The following ABCC5 variants were observed in gnomAD, a reference collection of about 807,000 sequenced individuals.
ABCC5 encodes the protein ATP binding cassette subfamily C member 5.
In ABCC5, 61 loss-of-function variants were observed where a neutral mutation model predicts 160.9. The ratio of observed to expected loss-of-function variants is 0.38; its 90% CI spans 0.31 to 0.47. The LOEUF (loss-of-function observed/expected upper bound fraction) is 0.47, where lower values mean the gene tolerates loss of function less well. ABCC5 is among the 20% of genes least tolerant of loss of function. ABCC5 has a pLI of 0.99. For missense variants in ABCC5, 1,308 were observed against 1,813.3 expected (o/e 0.72, Z 5.06); for synonymous variants, 666 against 700.6 (o/e 0.95, Z 0.78).
chr3:183,970,345 A>G (rs900035040), intron 11 of ABCC5, among the ~76,000 whole-genome samples: 2 of 151,920 alleles, frequency 1.3e-5, no homozygotes, highest in Non-Finnish European at 2.9e-5. Context: ...TCTTTGCCCA[A>G]ATACTACTTT....
At chr3:183,928,991 C>T (rs1477934317) in intron 26 of ABCC5, among the ~76,000 whole-genome samples, 166 bp from the exon 27 acceptor site, 1 of 152,172 alleles carries the variant, frequency 6.6e-6, no homozygotes. Context: ...GCTCTGACAG[C>T]ACACTGGGCC....
intron 8 of ABCC5, among the ~76,000 whole-genome samples, chr3:183,980,732 T>TTTA (rs1718650149): frequency 6.8e-6 from 1 of 147,982 alleles, no homozygotes; most frequent in Non-Finnish European, 1.5e-5. Flanking sequence ...TTTTTTTTTT[T>TTTA]GAGACAGTCT....
chr3:183,956,647 C>T (rs1307078633), intron 17 of ABCC5, among the ~76,000 whole-genome samples: 1 of 138,752 alleles, frequency 7.2e-6, no homozygotes, highest in African/African-American at 2.7e-5. Flanking sequence ...TAAATCACAT[C>T]GGTTACATGC....
At position 183,987,607 on chromosome 3, in the gene ABCC5, A is replaced by G; in HGVS notation, c.591+163T>C. The G allele has an allele frequency of 1.1e-6, 1 of 912,006 alleles. No homozygotes were observed. The highest frequency in any genetic ancestry group is 1.7e-6 in the Non-Finnish European group (1 of 580,688). 56.5% of individuals were successfully genotyped at this position (912,006 alleles called of 1,614,324 possible). A position where few individuals can be genotyped will look rare whatever the true frequency, so the allele number is the denominator to read the frequency against. On this transcript the variant is annotated intron_variant, in intron 5 of 29. Coordinates refer to ENST00000334444, the MANE Select transcript of ABCC5 (RefSeq NM_005688.4). This position sits in a 1 kb window ranked among gnomAD's most constrained non-coding sequence, Gnocchi z 4.2. ...GGCAACACTGCCCTTTCATCCTTCCAGCTGTTGCCAAAATCCATCGACCCC... is the reference window on the plus strand; with the variant it reads ...GGCAACACTGCCCTTTCATCCTTCCGGCTGTTGCCAAAATCCATCGACCCC...
intron 2 of ABCC5, among the ~76,000 whole-genome samples, chr3:184,002,146 C>A (rs1263656601): frequency 1.3e-5 from 2 of 151,954 alleles, no homozygotes; most frequent in African/African-American, 4.8e-5. Flanking sequence ...GCTTGTAATC[C>A]CAGCATTTTG....
In ABCC5 at chr3:183,971,185, C is replaced by T. The variant is rs148876376; in HGVS notation, c.1761+378G>A. On this transcript the variant is annotated intron_variant, in intron 11 of 29. Transcript: ENST00000334444. Reference sequence around the variant, plus strand: ...TGTTGTCACAGTAGCACTGAGAATACCTATCATGTGCCAGGTATGATGCAC... The same window carrying T: ...TGTTGTCACAGTAGCACTGAGAATATCTATCATGTGCCAGGTATGATGCAC... 8.8e-4 allele frequency among the ~76,000 whole-genome samples: 134 copies of T among 152,278 alleles called. 1 individual carries two copies. Among genetic ancestry groups the T allele is most frequent in the Middle Eastern group, 6.8e-3 (2 of 292 alleles).
intron 25 of ABCC5, among the ~76,000 whole-genome samples, chr3:183,940,425 A>G (rs535332817): frequency 1.4e-4 from 19 of 136,024 alleles, no homozygotes; most frequent in African/African-American, 5.4e-4. Context: ...GCACCACTGC[A>G]CTCTAGCCTG....
At chr3:183,934,591 T>C (rs1351665183) in intron 26 of ABCC5, among the ~76,000 whole-genome samples, 2 of 152,210 alleles carry the variant, frequency 1.3e-5, no homozygotes, top group Non-Finnish European at 2.9e-5. Flanking sequence ...TGGAGACAAA[T>C]GGTTCCAATT....
At chr3:183,943,841 A>G (rs959026730) in intron 24 of ABCC5, among the ~76,000 whole-genome samples, 23 of 152,150 alleles carry the variant, frequency 1.5e-4, no homozygotes, top group African/African-American at 5.6e-4. Context: ...CATTAACTCA[A>G]ACACTGCACA....
intron 25 of ABCC5, among the ~76,000 whole-genome samples, chr3:183,939,688 A>G (rs1364271108): frequency 1.3e-5 from 2 of 152,214 alleles, no homozygotes; most frequent in Non-Finnish European, 2.9e-5. Context: ...GTGTCAAAGG[A>G]TATAAACATT....
At position 183,958,462 on chromosome 3, in the gene ABCC5, GAACT is replaced by G. The variant is rs1716428804; in HGVS notation, c.2482+1267_2482+1270del. 2.0e-5 allele frequency among the ~76,000 whole-genome samples: 3 copies of G among 152,304 alleles called. No individual in the cohort carries two copies. The South Asian group carries it at 6.2e-4, about 32-fold the overall frequency. On this transcript the variant is annotated intron_variant, in intron 17 of 29. Transcript: ENST00000334444. ...TCTGATTTTTTACTGCCCGTGGTAA[GAACT>G]AACAAATGTCTCAGCCTTCTGTGCT...
intron 2 of ABCC5, among the ~76,000 whole-genome samples, chr3:184,004,171 G>C (rs1383537185): frequency 6.7e-6 from 1 of 150,046 alleles, no homozygotes; most frequent in Non-Finnish European, 1.5e-5. Context: ...TTGGTCTTTT[G>C]CATTTGACAA....
chr3:183,952,144 CTTTTTTTT>C, intron 18 of ABCC5, 141 bp from the exon 19 acceptor site: 10 of 373,040 alleles, frequency 2.7e-5, no homozygotes, highest in Non-Finnish European at 4.1e-5. Context: ...TTGTCCACCT[CTTTTTTTT>C]TTTTTTTTTT....
At chr3:183,993,203 G>A (rs191676425) in intron 2 of ABCC5, among the ~76,000 whole-genome samples, 9 of 152,050 alleles carry the variant, frequency 5.9e-5, no homozygotes, top group Non-Finnish European at 1.0e-4. Context: ...GGTACTGCCG[G>A]GCTGGGCGCA....
Position 183,987,404 on chromosome 3 carries a change from C to T in ABCC5, c.591+366G>A, listed in dbSNP as rs1162078542. 5.9e-6 allele frequency: 3 copies of T among 504,804 alleles called. No individual in the cohort carries two copies. The highest frequency in any genetic ancestry group is 7.0e-6 in the Non-Finnish European group (2 of 284,398). 31.3% of individuals were successfully genotyped at this position (504,804 alleles called of 1,614,324 possible). ...GCACTTGGTATGTTCCCGGTGCTGG[C>T]TCACCAGCCCGGGCCACACAACGTG... On this transcript the variant is annotated intron_variant, in intron 5 of 29. Transcript: ENST00000334444. This position sits in a 1 kb window ranked among gnomAD's most constrained non-coding sequence, Gnocchi z 4.2.
At chr3:183,973,572 A>C (rs913627014) in intron 10 of ABCC5, among the ~76,000 whole-genome samples, 2 of 152,000 alleles carry the variant, frequency 1.3e-5, no homozygotes, top group Non-Finnish European at 2.9e-5. Context: ...CCCTCTCCCC[A>C]AAAACAAACC....
chr3:183,952,630 G>C (rs576653108), intron 18 of ABCC5, among the ~76,000 whole-genome samples: 1 of 152,286 alleles, frequency 6.6e-6, no homozygotes, highest in Admixed American at 6.5e-5. Flanking sequence ...CAGTTTAAAA[G>C]TGTTTGACAT....
intron 17 of ABCC5, among the ~76,000 whole-genome samples, chr3:183,958,436 T>C (rs1716425554): frequency 6.6e-6 from 1 of 152,202 alleles, no homozygotes; most frequent in Non-Finnish European, 1.5e-5. Flanking sequence ...GCTAATGATA[T>C]TCTGATTTTT....
In ABCC5 at chr3:183,987,450, T is replaced by A. The variant is rs1719321566; in HGVS notation, c.591+320A>T. 1 of 591,494 alleles carries A rather than the reference T, an allele frequency of 1.7e-6. No individual in the cohort carries two copies. The highest frequency in any genetic ancestry group is 3.0e-6 in the Non-Finnish European group (1 of 331,748). 36.6% of individuals were successfully genotyped at this position (591,494 alleles called of 1,614,324 possible). ...ACGTGCTCTCACCCACTCATAGCAC[T>A]GCAAGACACATCTGCCTGCACCGAC... On this transcript the variant is annotated intron_variant, in intron 5 of 29. Transcript: ENST00000334444. The surrounding 1 kb of genome is among the most constrained non-coding windows in gnomAD (Gnocchi z 4.2).
Sources: allele counts gnomAD v4.1 joint callset (sites outside exome capture counted in the v4.1 genomes callset), GRCh38; gene constraint gnomAD v4.1.1; non-coding constraint Gnocchi (gnomAD v3.1); transcripts MANE v1.5; gene names NCBI Gene and HGNC (gene_info 2026-07-23, HGNC 2026-07-21).